Variants in PPP2CA observed in about 807,000 individuals in gnomAD.
PPP2CA encodes the protein protein phosphatase 2 catalytic subunit alpha.
Under a neutral mutation model 38.8 loss-of-function variants are expected in PPP2CA, and 5 were observed. The ratio of observed to expected loss-of-function variants is 0.13; its 90% confidence interval spans 0.07 to 0.27. PPP2CA has a LOEUF of 0.27. Among genes scored for constraint, PPP2CA ranks in the 10% least tolerant of loss-of-function variants. PPP2CA has a pLI of 1.00. For synonymous variants in PPP2CA, 152 were observed against 134.0 expected (o/e 1.13, Z -0.93); for missense variants, 88 against 389.7 (o/e 0.23, Z 6.52).
At position 134,197,116 on chromosome 5, in the gene PPP2CA, T is replaced by C. The variant is rs1181184969; in HGVS notation, c.*656A>G. The C allele has an allele frequency of 6.6e-6, 1 of 152,612 alleles. No homozygotes were observed. Among genetic ancestry groups the C allele is most frequent in the Admixed American group, 6.5e-5 (1 of 15,276 alleles). 9.5% of individuals were successfully genotyped at this position (152,612 alleles called of 1,614,324 possible). A position where few individuals can be genotyped will look rare whatever the true frequency, so the allele number is the denominator to read the frequency against. On this transcript the variant is annotated 3_prime_UTR_variant, in exon 7 of 7. Transcript: ENST00000481195. ...CAGTTCTTAGTTCACAAGTTTATTA[T>C]GAAAAACACTGCAGTGCTCTTGTGC... is the stretch of plus-strand genomic sequence containing the variant.
At chr5:134,198,351 C>T (rs570820300) in intron 6 of PPP2CA, among the ~76,000 whole-genome samples, 23 of 151,792 alleles carry the variant, frequency 1.5e-4, no homozygotes, top group African/African-American at 4.8e-4. Flanking sequence ...CAAGATCGCA[C>T]CACTGCACTC....
Position 134,197,659 on chromosome 5 carries a change from C to T in PPP2CA, c.*113G>A, listed in dbSNP as rs1327146889. The T allele has an allele frequency of 2.3e-6, 2 of 868,014 alleles. No individual in the cohort carries two copies. The highest frequency in any genetic ancestry group is 3.7e-6 in the Non-Finnish European group (2 of 538,914). The allele number at this position is 868,014 out of a possible 1,614,324, so 53.8% of individuals were successfully genotyped here. A position where few individuals can be genotyped will look rare whatever the true frequency, so the allele number is the denominator to read the frequency against. Reference sequence around the variant, plus strand: ...GCACATCTTTTGGTCCATGTGAAAACAAGTTTTTTGAATGTTAACTATTTT... The same window carrying T: ...GCACATCTTTTGGTCCATGTGAAAATAAGTTTTTTGAATGTTAACTATTTT... On this transcript the variant is annotated 3_prime_UTR_variant, in exon 7 of 7. Coordinates refer to ENST00000481195, the MANE Select transcript of PPP2CA (RefSeq NM_002715.4).
intron 1 of PPP2CA, among the ~76,000 whole-genome samples, chr5:134,223,266 A>G (rs1054486189): frequency 1.3e-5 from 2 of 152,206 alleles, no homozygotes; most frequent in Non-Finnish European, 1.5e-5. Flanking sequence ...CAAAAAGCAC[A>G]TATGTAGCTT....
At chr5:134,202,182 T>C in intron 2 of PPP2CA, 161 bp from the exon 3 acceptor site, 1 of 652,108 alleles carries the variant, frequency 1.5e-6, no homozygotes, top group Non-Finnish European at 2.5e-6. Context: ...ACAGAATTTT[T>C]AAATGCCCAT....
chr5:134,217,990 A>G (rs1762356841), intron 1 of PPP2CA, among the ~76,000 whole-genome samples: 1 of 152,194 alleles, frequency 6.6e-6, no homozygotes, highest in Admixed American at 6.5e-5. Context: ...AAACAATATA[A>G]AGTGTTACAC....
intron 1 of PPP2CA, among the ~76,000 whole-genome samples, chr5:134,212,273 ACCAG>A (rs1021437877): frequency 1.4e-4 from 21 of 152,064 alleles, no homozygotes; most frequent in African/African-American, 4.8e-4. Flanking sequence ...CCATTTTCCC[ACCAG>A]CATGTGCTCA....
At chr5:134,207,023 A>G (rs1011066838) in intron 1 of PPP2CA, among the ~76,000 whole-genome samples, 1 of 152,224 alleles carries the variant, frequency 6.6e-6, no homozygotes, top group Non-Finnish European at 1.5e-5. Context: ...AAATTACCAG[A>G]GAATTGTTGC....
chr5:134,199,213 A>T lies in PPP2CA; in HGVS notation c.739-9T>A. 4 of 1,586,782 alleles carry T rather than the reference A, an allele frequency of 2.5e-6. No individual in the cohort carries two copies. The highest frequency in any genetic ancestry group is 3.5e-6 in the Non-Finnish European group (4 of 1,155,820). ...TGGCACCAGTTATATCCCTGCAAGG[A>T]AAAGGAGACAAAAATCTTACTTTAC... On this transcript the variant is annotated splice_polypyrimidine_tract_variant and intron_variant, in intron 5 of 6. Transcript: ENST00000481195.
chr5:134,202,857 G>A (rs1198360936), intron 2 of PPP2CA, among the ~76,000 whole-genome samples: 1 of 152,198 alleles, frequency 6.6e-6, no homozygotes, highest in African/African-American at 2.4e-5. Context: ...TGCATGAAGA[G>A]TTTAATCTCC....
chr5:134,206,111 T>C lies in PPP2CA; in HGVS notation c.123A>G (p.Lys41=). 1 of 1,614,080 alleles carries C rather than the reference T, an allele frequency of 6.2e-7. No homozygotes were observed. Among genetic ancestry groups the C allele is most frequent in the Non-Finnish European group, 8.5e-7 (1 of 1,179,908 alleles). ...ATCGAACCTCTTGCACGTTGGATTC[T>C]TTTGTCAGGATTTCTTTAGCCTACA... The part of the protein sequence containing the change: ...LCEKAKEILT[K]ESNVQEVRCP... Residue 41 remains lysine (K), a synonymous_variant, in exon 2 of 7, where the codon AAA becomes AAG. Coordinates refer to ENST00000481195, the MANE Select transcript of PPP2CA (RefSeq NM_002715.4).
intron 1 of PPP2CA, among the ~76,000 whole-genome samples, chr5:134,208,029 C>G (rs555771953): frequency 6.6e-6 from 1 of 152,028 alleles, no homozygotes; most frequent in Non-Finnish European, 1.5e-5. Flanking sequence ...TTTTTTAACA[C>G]CTATCATATA....
chr5:134,202,962 C>T (rs1762000709), intron 2 of PPP2CA, among the ~76,000 whole-genome samples: 1 of 152,162 alleles, frequency 6.6e-6, no homozygotes, highest in Non-Finnish European at 1.5e-5. Flanking sequence ...TTGCATTTCC[C>T]TGATTACAAT....
At chr5:134,220,884 A>G (rs1280441221) in intron 1 of PPP2CA, among the ~76,000 whole-genome samples, 2 of 152,218 alleles carry the variant, frequency 1.3e-5, no homozygotes, top group African/African-American at 4.8e-5. Context: ...ATGAGCTTCA[A>G]CTTAGCCTTA....
chr5:134,200,626 G>A lies in PPP2CA; in HGVS notation c.577-130C>T, dbSNP rs1761950151. ...TGTTTGTGGACAATGCTAATAGACTGTGCAGTTGAAGTCAAACATCTGCAT... is the reference window on the plus strand; with the variant it reads ...TGTTTGTGGACAATGCTAATAGACTATGCAGTTGAAGTCAAACATCTGCAT... On this transcript the variant is annotated intron_variant, in intron 4 of 6. Coordinates refer to ENST00000481195, the MANE Select transcript of PPP2CA (RefSeq NM_002715.4). 9.8e-6 allele frequency: 10 copies of A among 1,017,774 alleles called. No homozygotes were observed. The Middle Eastern group carries it at 8.5e-4, about 86-fold the overall frequency. The allele number at this position is 1,017,774 out of a possible 1,614,324, so 63.0% of individuals were successfully genotyped here.
At chr5:134,200,834 G>C in intron 4 of PPP2CA, 151 bp downstream of exon 4, 2 of 692,210 alleles carry the variant, frequency 2.9e-6, no homozygotes, top group Non-Finnish European at 2.4e-6. Flanking sequence ...CTTAATGTCA[G>C]CTTCTTTTGA....
At position 134,225,595 on chromosome 5, in the gene PPP2CA, G is replaced by T. The variant is rs552557910; in HGVS notation, c.102+165C>A. ...CCAATCCCTGCGCGGGAGGCAGGGG[G>T]CGCCGGGTCGTTAGGAAGCCGCCGC... is the stretch of plus-strand genomic sequence containing the variant. On this transcript the variant is annotated intron_variant, in intron 1 of 6. Transcript: ENST00000481195. 144 of 536,570 alleles carry T rather than the reference G, an allele frequency of 2.7e-4. 1 individual carries two copies. The South Asian group carries it at 3.4e-3, about 13-fold the overall frequency. 33.2% of individuals were successfully genotyped at this position (536,570 alleles called of 1,614,324 possible). A position where few individuals can be genotyped will look rare whatever the true frequency, so the allele number is the denominator to read the frequency against.
Position 134,196,171 on chromosome 5 carries a change from TC to T in PPP2CA, c.*1600del, listed in dbSNP as rs1326398819. On this transcript the variant is annotated 3_prime_UTR_variant, in exon 7 of 7. Coordinates refer to ENST00000481195, the MANE Select transcript of PPP2CA (RefSeq NM_002715.4). ...GCCACTAAAAATACTATCAATTAGA[TC>T]AGAAAAGACATTCGGTATGTATGTG... The T allele has an allele frequency of 6.6e-6, 1 of 152,314 alleles. No individual in the cohort carries two copies. Among genetic ancestry groups the T allele is most frequent in the East Asian group, 1.9e-4 (1 of 5,190 alleles). The allele number at this position is 152,314 out of a possible 1,614,324, so 9.4% of individuals were successfully genotyped here.
At chr5:134,199,325 G>T (rs1761923499) in intron 5 of PPP2CA, 121 bp from the exon 6 acceptor site, 1 of 696,674 alleles carries the variant, frequency 1.4e-6, no homozygotes, top group Non-Finnish European at 2.5e-6. Context: ...CTTAAGAAAT[G>T]TTAATGCTTT....
intron 1 of PPP2CA, among the ~76,000 whole-genome samples, chr5:134,216,526 T>G (rs1580648548): frequency 2.1e-5 from 2 of 96,096 alleles, no homozygotes; most frequent in South Asian, 3.6e-4. Flanking sequence ...GGCAACAGAG[T>G]GAGACTGCCT....
Sources: gnomAD v4.1 joint callset for allele counts (sites outside exome capture counted in the v4.1 genomes callset) on GRCh38, gnomAD v4.1.1 for gene constraint, MANE v1.5 for transcripts, NCBI Gene and HGNC (gene_info 2026-07-23, HGNC 2026-07-21) for gene names.